Variants in CFAP58 observed in about 807,000 individuals in gnomAD.
CFAP58 encodes cilia- and flagella-associated protein 58.
In CFAP58, 88 loss-of-function variants were observed where a neutral mutation model predicts 119.5. The observed-to-expected ratio is 0.74, with a 90% CI of 0.62 to 0.88. The LOEUF (loss-of-function observed/expected upper bound fraction) is 0.88. CFAP58 is among the 40% of genes least tolerant of loss of function. The probability of loss-of-function intolerance (pLI) is 0.00; values close to 1 mark genes in which losing one functional copy is unlikely to be tolerated. For synonymous variants in CFAP58, 365 were observed against 366.3 expected (o/e 1.00, Z 0.04); for missense variants, 990 against 1,021.2 (o/e 0.97, Z 0.42).
intron 1 of CFAP58, among the ~76,000 whole-genome samples, chr10:104,357,960 TATATGTACAC>T (rs779442252): frequency 0.077 from 9,313 of 121,694 alleles, 1,359 homozygotes; most frequent in African/African-American, 0.28. Flanking sequence ...TATATACACA[TATATGTACAC>T]ATATGTACAT....
At chr10:104,453,888 C>T (rs942185436) in intron 17 of CFAP58, among the ~76,000 whole-genome samples, 2 of 151,858 alleles carry the variant, frequency 1.3e-5, no homozygotes, top group African/African-American at 2.4e-5. Flanking sequence ...TCTTCCCCAG[C>T]TTTTCTTGTA....
chr10:104,442,052 T>C (rs2013044699), intron 15 of CFAP58, among the ~76,000 whole-genome samples: 1 of 152,168 alleles, frequency 6.6e-6, no homozygotes, highest in Admixed American at 6.5e-5. Context: ...TGTTCTAGAG[T>C]TGCTTTTATA....
chr10:104,345,444 G>T, the CFAP58 span, among the ~76,000 whole-genome samples: 2 of 152,092 alleles, frequency 1.3e-5, no homozygotes, highest in Non-Finnish European at 2.9e-5. Context: ...TTCGTGTACT[G>T]ATACCTTTCA....
At chr10:104,365,420 A>G (rs961809434) in intron 4 of CFAP58, among the ~76,000 whole-genome samples, 16 of 152,296 alleles carry the variant, frequency 1.1e-4, no homozygotes, top group Non-Finnish European at 1.8e-4. Context: ...TCTCTTTAGC[A>G]ATATCCAGGG....
chr10:104,341,664 A>T, the CFAP58 span, among the ~76,000 whole-genome samples: 1 of 151,590 alleles, frequency 6.6e-6, no homozygotes, highest in East Asian at 1.9e-4. Context: ...GTTTATAAAT[A>T]TATAAATTAT....
At chr10:104,412,495 C>G (rs1158094651) in intron 15 of CFAP58, among the ~76,000 whole-genome samples, 1 of 152,002 alleles carries the variant, frequency 6.6e-6, no homozygotes, top group Non-Finnish European at 1.5e-5. Context: ...GACAACAAGC[C>G]TTGTTATCTT....
chr10:104,400,577 C>T (rs2012243031), intron 12 of CFAP58, 103 bp from the exon 13 acceptor site: 2 of 920,276 alleles, frequency 2.2e-6, no homozygotes, highest in Admixed American at 1.8e-5. Context: ...GTGCCCAGTA[C>T]ATGTGGGCGT....
At chr10:104,376,298 G>GA (rs901213178) in intron 7 of CFAP58, among the ~76,000 whole-genome samples, 149 of 144,108 alleles carry the variant, frequency 1.0e-3, no homozygotes, top group Non-Finnish European at 8.6e-4. Context: ...TGGGCAAGAG[G>GA]AAAAAAAAAA....
the CFAP58 span, among the ~76,000 whole-genome samples, chr10:104,345,699 G>C: frequency 6.6e-6 from 1 of 152,016 alleles, no homozygotes; most frequent in Non-Finnish European, 1.5e-5. Context: ...ACAGAGGAGA[G>C]GTAATTAACT....
chr10:104,394,744 T>C (rs1209999261), intron 11 of CFAP58, among the ~76,000 whole-genome samples: 1 of 152,264 alleles, frequency 6.6e-6, no homozygotes, highest in Non-Finnish European at 1.5e-5. Context: ...CATTGTTTTT[T>C]ATATATAAAG....
At chr10:104,385,938 T>C (rs905411010) in intron 9 of CFAP58, among the ~76,000 whole-genome samples, 1 of 152,120 alleles carries the variant, frequency 6.6e-6, no homozygotes, top group African/African-American at 2.4e-5. Flanking sequence ...AAAAAGCAGA[T>C]AGATGCCTAG....
chr10:104,412,749 G>A (rs186995299), intron 15 of CFAP58, among the ~76,000 whole-genome samples: 128 of 152,188 alleles, frequency 8.4e-4, no homozygotes, highest in African/African-American at 3.0e-3. Flanking sequence ...AGCCCCACTC[G>A]CCTGTGAACT....
intron 15 of CFAP58, among the ~76,000 whole-genome samples, chr10:104,424,442 C>T (rs1200928821): frequency 2.6e-5 from 4 of 152,106 alleles, no homozygotes; most frequent in African/African-American, 9.7e-5. Context: ...ACTGCCTTCC[C>T]CTAAATTAAG....
At chr10:104,386,248 G>A (rs1469274496) in intron 9 of CFAP58, among the ~76,000 whole-genome samples, 1 of 149,210 alleles carries the variant, frequency 6.7e-6, no homozygotes, top group Admixed American at 6.7e-5. Context: ...AGTGGTGGTG[G>A]GCACCTGTAA....
chr10:104,451,913 A>G (rs1207477010), intron 17 of CFAP58, among the ~76,000 whole-genome samples: 1 of 128,530 alleles, frequency 7.8e-6, no homozygotes, highest in African/African-American at 2.9e-5. Context: ...TTTTTTTTGT[A>G]TTTTTAGTAG....
chr10:104,393,924 A>T (rs1433421004), intron 11 of CFAP58, among the ~76,000 whole-genome samples: 2 of 152,136 alleles, frequency 1.3e-5, no homozygotes, highest in Admixed American at 6.5e-5. Context: ...TGTGCATGTG[A>T]CGTTTCTATC....
intron 9 of CFAP58, among the ~76,000 whole-genome samples, chr10:104,381,624 T>C (rs924452711): frequency 5.9e-5 from 9 of 152,176 alleles, no homozygotes; most frequent in African/African-American, 2.2e-4. Flanking sequence ...TAAATTTTTT[T>C]TTTTTTGGAG....
chr10:104,406,572 G>A (rs2012362429), intron 14 of CFAP58, 117 bp from the exon 15 acceptor site: 1 of 753,850 alleles, frequency 1.3e-6, no homozygotes, highest in Non-Finnish European at 2.3e-6. Flanking sequence ...AATTCTCTCT[G>A]TATTAGGTCT....
At chr10:104,386,394 AT>A in intron 9 of CFAP58, among the ~76,000 whole-genome samples, 2 of 151,372 alleles carry the variant, frequency 1.3e-5, no homozygotes, top group Admixed American at 1.3e-4. Flanking sequence ...AAAAAAATAA[AT>A]AAATAAATAA....
Sources: allele counts gnomAD v4.1 joint callset (sites outside exome capture counted in the v4.1 genomes callset), GRCh38; gene constraint gnomAD v4.1.1; transcripts MANE v1.5; gene names NCBI Gene and HGNC (gene_info 2026-07-23, HGNC 2026-07-21).